ATP2C1: variants seen among roughly 807,000 people sequenced by gnomAD.
ATP2C1 encodes the protein ATPase secretory pathway Ca2+ transporting 1.
A neutral mutation model predicts 120.5 loss-of-function variants in ATP2C1; 31 were observed. That is an observed-to-expected ratio of 0.26 (90% CI 0.19 to 0.35). The LOEUF (loss-of-function observed/expected upper bound fraction) is 0.35. Ranked by LOEUF, ATP2C1 falls within the 10% of genes least tolerant of loss-of-function variation. ATP2C1 has a pLI of 1.00. For synonymous variants in ATP2C1, 351 were observed against 358.7 expected (o/e 0.98, Z 0.24); for missense variants, 731 against 1,107.5 (o/e 0.66, Z 4.83).
chr3:130,956,042 G>A, intron 10 of ATP2C1, 62 bp from the exon 11 acceptor site: 1 of 1,130,664 alleles, frequency 8.8e-7, no homozygotes, highest in African/African-American at 1.5e-5. Context: ...CAAGCCCCTG[G>A]CACTTGATAA....
intron 1 of ATP2C1, among the ~76,000 whole-genome samples, chr3:130,858,859 T>C (rs180858569): frequency 4.6e-4 from 70 of 152,174 alleles, no homozygotes; most frequent in Non-Finnish European, 7.6e-4. Context: ...GGCTAATTCA[T>C]GAAGAAAGAT....
At chr3:130,932,184 A>G (rs374430898) in intron 4 of ATP2C1, 46 bp downstream of exon 4, 8 of 1,143,716 alleles carry the variant, frequency 7.0e-6, no homozygotes, top group South Asian at 3.7e-5. Flanking sequence ...TTATTAATAC[A>G]TGGACTTCTG....
chr3:130,934,541 G>A (rs1263521598), intron 4 of ATP2C1, 81 bp from the exon 5 acceptor site: 2 of 898,152 alleles, frequency 2.2e-6, no homozygotes, highest in African/African-American at 1.7e-5. Context: ...ATGCTCTTAT[G>A]GTTTTTTTTT....
At chr3:130,989,186 G>A (rs1393238465) in intron 20 of ATP2C1, among the ~76,000 whole-genome samples, 5 of 148,284 alleles carry the variant, frequency 3.4e-5, no homozygotes, top group Non-Finnish European at 7.4e-5. Flanking sequence ...GGAGGCAGAG[G>A]TAGTGAGCCG....
intron 26 of ATP2C1, among the ~76,000 whole-genome samples, chr3:130,998,730 C>G (rs2062747975): frequency 6.6e-6 from 1 of 152,140 alleles, no homozygotes; most frequent in South Asian, 2.1e-4. Context: ...TTATTAGTCT[C>G]ATTTTAAAAG....
At chr3:130,971,763 TA>T (rs1040279977) in intron 17 of ATP2C1, among the ~76,000 whole-genome samples, 3 of 152,194 alleles carry the variant, frequency 2.0e-5, no homozygotes, top group African/African-American at 7.2e-5. Context: ...GCCAGACGGT[TA>T]GCCTTCCTTT....
chr3:130,888,411 A>G (rs1016817360), intron 1 of ATP2C1, among the ~76,000 whole-genome samples: 1 of 152,174 alleles, frequency 6.6e-6, no homozygotes, highest in African/African-American at 2.4e-5. Flanking sequence ...TAAGAACTGC[A>G]ATCCCTGTGT....
chr3:131,016,023 A>T, intron 26 of ATP2C1: 1 of 1,235,582 alleles, frequency 8.1e-7, no homozygotes, highest in Non-Finnish European at 1.1e-6. Flanking sequence ...TTACATTAAG[A>T]TTAGTTTTTT....
downstream of ATP2C1, among the ~76,000 whole-genome samples, chr3:131,003,586 G>A (rs2062987990): frequency 6.6e-6 from 1 of 152,196 alleles, no homozygotes; most frequent in South Asian, 2.1e-4. Flanking sequence ...GGCTGAACAT[G>A]TTGTGTCACA....
chr3:130,905,643 A>G (rs2058086790), intron 2 of ATP2C1, among the ~76,000 whole-genome samples: 1 of 152,110 alleles, frequency 6.6e-6, no homozygotes, highest in East Asian at 1.9e-4. Context: ...TAATAAAATT[A>G]GGTTCACTTG....
Position 131,002,296 on chromosome 3 carries a change from T to G in ATP2C1, c.*946T>G, listed in dbSNP as rs886057987. ...ATTATTTTTACTGTTATGTATGTTTTTAATCATATTTCTTAGGAAGTATAG... is the reference window on the plus strand; with the variant it reads ...ATTATTTTTACTGTTATGTATGTTTGTAATCATATTTCTTAGGAAGTATAG... On this transcript the variant is annotated 3_prime_UTR_variant, in exon 28 of 28. Transcript: ENST00000510168. 6 of 980,802 alleles carry G rather than the reference T, an allele frequency of 6.1e-6. No individual in the cohort carries two copies. Among genetic ancestry groups the G allele is most frequent in the Non-Finnish European group, 7.3e-6 (6 of 825,808 alleles). The allele number at this position is 980,802 out of a possible 1,614,324, so 60.8% of individuals were successfully genotyped here. A position where few individuals can be genotyped will look rare whatever the true frequency, so the allele number is the denominator to read the frequency against.
At chr3:130,969,451 T>C in intron 17 of ATP2C1, 55 bp downstream of exon 17, 1 of 1,376,512 alleles carries the variant, frequency 7.3e-7, no homozygotes, top group Admixed American at 1.7e-5. Context: ...TGACTATTTT[T>C]TCATTTACTG....
At chr3:130,877,204 T>C (rs2068631689) in intron 1 of ATP2C1, among the ~76,000 whole-genome samples, 2 of 152,242 alleles carry the variant, frequency 1.3e-5, no homozygotes, top group Non-Finnish European at 2.9e-5. Flanking sequence ...TCACTCACAG[T>C]CTTTGTCTGT....
At chr3:130,981,197 A>G (rs1576979204) in intron 20 of ATP2C1, among the ~76,000 whole-genome samples, 1 of 152,160 alleles carries the variant, frequency 6.6e-6, no homozygotes, top group African/African-American at 2.4e-5. Context: ...TTTTTGTGGT[A>G]CCTTCTCCCC....
At chr3:131,004,954 A>G (rs768014949), downstream of ATP2C1, among the ~76,000 whole-genome samples, 4 of 152,152 alleles carry the variant, frequency 2.6e-5, no homozygotes, top group African/African-American at 4.8e-5. Context: ...GTGAGTTTGG[A>G]TTTTTGTATC....
chr3:130,938,329 A>G (rs925364723), intron 6 of ATP2C1, among the ~76,000 whole-genome samples: 2 of 152,260 alleles, frequency 1.3e-5, no homozygotes, highest in Non-Finnish European at 2.9e-5. Context: ...ATGGTTAACA[A>G]GAATAGAATT....
At chr3:130,925,298 A>G (rs2059154204) in intron 2 of ATP2C1, among the ~76,000 whole-genome samples, 1 of 152,074 alleles carries the variant, frequency 6.6e-6, no homozygotes, top group East Asian at 1.9e-4. Context: ...CCTTTCCCCT[A>G]GGAATGGGGC....
chr3:130,906,808 A>T (rs938103521), intron 2 of ATP2C1, among the ~76,000 whole-genome samples: 18 of 151,984 alleles, frequency 1.2e-4, no homozygotes, highest in Middle Eastern at 3.4e-3. Context: ...AAAAGAATGA[A>T]GGTGGACTCT....
chr3:130,987,862 G>A (rs947578888), intron 20 of ATP2C1, among the ~76,000 whole-genome samples: 1 of 152,126 alleles, frequency 6.6e-6, no homozygotes, highest in Non-Finnish European at 1.5e-5. Context: ...TTGACCTAGA[G>A]CCAGTTAAAA....
Sources: allele counts gnomAD v4.1 joint callset (sites outside exome capture counted in the v4.1 genomes callset), GRCh38; gene constraint gnomAD v4.1.1; transcripts MANE v1.5; gene names NCBI Gene and HGNC (gene_info 2026-07-23, HGNC 2026-07-21).